TCF4: variants seen among roughly 807,000 people sequenced by gnomAD.
TCF4 encodes SL3-3 enhancer factor 2.
TCF4 carries 3 observed loss-of-function variants against 82.1 expected under a neutral mutation model. That is an observed-to-expected ratio of 0.04 (90% confidence interval 0.02 to 0.09). The LOEUF (loss-of-function observed/expected upper bound fraction) is 0.09, where lower values mean the gene tolerates loss of function less well. Ranked by LOEUF, TCF4 falls within the 10% of genes least tolerant of loss-of-function variation. The pLI is 1.00. For synonymous variants in TCF4, 276 were observed against 309.6 expected, an observed-to-expected ratio of 0.89 and a Z score of 1.14; for missense variants, 518 against 852.7, an observed-to-expected ratio of 0.61 and a Z score of 4.89.
chr18:55,506,735 C>G (rs1469448902), intron 3 of TCF4, among the ~76,000 whole-genome samples: 1 of 152,170 alleles, frequency 6.6e-6, no homozygotes, highest in African/African-American at 2.4e-5. Context: ...ATGATTTTTC[C>G]TATGCATATA....
At chr18:55,297,405 G>T (rs1019957397) in intron 8 of TCF4, among the ~76,000 whole-genome samples, 4 of 152,118 alleles carry the variant, frequency 2.6e-5, no homozygotes, top group Admixed American at 2.0e-4. Context: ...CTTCCTTGTG[G>T]ATACAAAAGT....
intron 2 of TCF4, among the ~76,000 whole-genome samples, chr18:55,604,205 C>T (rs2097700084): frequency 6.6e-6 from 1 of 151,910 alleles, no homozygotes; most frequent in African/African-American, 2.4e-5. Flanking sequence ...AGTTTTAACT[C>T]TGCCACTTCA....
Position 55,287,403 on chromosome 18 carries a change from A to G in TCF4, c.550-7747T>C, listed in dbSNP as rs138071417. Reference sequence around the variant, plus strand: ...ATTAAACCTGGGGCTAAATCCTGTAAATAATTTCAGCCAAGAGGCGTTTTC... The same window carrying G: ...ATTAAACCTGGGGCTAAATCCTGTAGATAATTTCAGCCAAGAGGCGTTTTC... On this transcript the variant is annotated intron_variant, in intron 8 of 19. Transcript: ENST00000354452. Among the ~76,000 whole-genome samples, 453 of 152,340 alleles carry G rather than the reference A, an allele frequency of 3.0e-3. 4 individuals are homozygous for G. The highest frequency in any genetic ancestry group is 9.1e-3 in the African/African-American group (379 of 41,576).
chr18:55,342,927 C>A (rs909861056), intron 8 of TCF4, among the ~76,000 whole-genome samples: 2 of 151,994 alleles, frequency 1.3e-5, no homozygotes, highest in Admixed American at 1.3e-4. Context: ...CTGTGCCAAT[C>A]GGTAGAATGA....
intron 6 of TCF4, among the ~76,000 whole-genome samples, chr18:55,371,236 G>T (rs2089058208): frequency 6.6e-6 from 1 of 152,166 alleles, no homozygotes; most frequent in African/African-American, 2.4e-5. Flanking sequence ...GTGATACTTG[G>T]TCTTGGTAGA....
chr18:55,512,482 TAC>T (rs2096838368), intron 3 of TCF4, among the ~76,000 whole-genome samples: 1 of 152,122 alleles, frequency 6.6e-6, no homozygotes, highest in African/African-American at 2.4e-5. Flanking sequence ...ACAATGAGGA[TAC>T]GTTACATTTT....
upstream of TCF4, chr18:55,589,208 CTTTTG>C (rs2097678383): frequency 1.0e-6 from 1 of 985,112 alleles, no homozygotes; most frequent in South Asian, 4.9e-5. Context: ...TAGGTTGTCC[CTTTTG>C]TTTTAATAAA....
At chr18:55,268,901 C>T (rs544978557) in intron 11 of TCF4, 20 of 152,332 alleles carry the variant, frequency 1.3e-4, no homozygotes, top group African/African-American at 4.6e-4. Context: ...GAGCTATAAC[C>T]GCAGAAAGTG....
At chr18:55,446,953 G>A (rs547445913) in intron 5 of TCF4, among the ~76,000 whole-genome samples, 2 of 145,484 alleles carry the variant, frequency 1.4e-5, no homozygotes, top group African/African-American at 5.1e-5. Context: ...GCCACTGCAT[G>A]CTAGCCTGGG....
At chr18:55,512,861 A>G (rs1481401185) in intron 3 of TCF4, among the ~76,000 whole-genome samples, 1 of 152,186 alleles carries the variant, frequency 6.6e-6, no homozygotes, top group Non-Finnish European at 1.5e-5. Context: ...TGAAAGAAAT[A>G]CTGGTACTTC....
chr18:55,613,304 A>G (rs955993265), intron 2 of TCF4, among the ~76,000 whole-genome samples: 1 of 151,982 alleles, frequency 6.6e-6, no homozygotes, highest in East Asian at 1.9e-4. Context: ...GGCAACCAAT[A>G]GTCTGCTTTC....
At position 55,633,161 on chromosome 18, in the gene TCF4, T is replaced by A. The variant is rs1010116441; in HGVS notation, c.196-1773A>T. Among the ~76,000 whole-genome samples, 2 of 152,242 alleles carry A rather than the reference T, an allele frequency of 1.3e-5. No homozygotes were observed. The highest frequency in any genetic ancestry group is 4.8e-5 in the African/African-American group (2 of 41,470). On this transcript the variant is annotated intron_variant, in intron 1 of 20. Coordinates refer to the TCF4 transcript ENST00000398339. The surrounding 1 kb of genome is among the most constrained non-coding windows in gnomAD (Gnocchi z 4.0). ...TTTGGAATGTGGCTTAGCCAGATAG[T>A]TCTGGCTTACGGTCTGTTCTGAGGT...
chr18:55,538,422 T>C (rs950603751), intron 3 of TCF4, among the ~76,000 whole-genome samples: 4 of 152,220 alleles, frequency 2.6e-5, no homozygotes, highest in African/African-American at 9.6e-5. Context: ...GATTAATATT[T>C]ATCCTTACTA....
intron 3 of TCF4, among the ~76,000 whole-genome samples, chr18:55,538,644 A>T (rs2146903436): frequency 6.6e-6 from 1 of 152,282 alleles, no homozygotes; most frequent in East Asian, 1.9e-4. Context: ...CTACTGACAT[A>T]TCAGTGCCTT....
At chr18:55,605,147 A>G (rs775207115) in intron 2 of TCF4, among the ~76,000 whole-genome samples, 22 of 152,106 alleles carry the variant, frequency 1.4e-4, no homozygotes, top group Non-Finnish European at 2.8e-4. Flanking sequence ...GCACCATAAC[A>G]TGGTCTGGAG....
chr18:55,471,035 C>T (rs761992067), intron 3 of TCF4, among the ~76,000 whole-genome samples: 12 of 152,176 alleles, frequency 7.9e-5, no homozygotes, highest in Non-Finnish European at 1.5e-4. Flanking sequence ...TGAGCCCTCA[C>T]ACAAACTGAG....
At chr18:55,455,484 T>C (rs1040500952) in intron 5 of TCF4, among the ~76,000 whole-genome samples, 5 of 149,810 alleles carry the variant, frequency 3.3e-5, no homozygotes, top group Non-Finnish European at 1.5e-5. Flanking sequence ...AGTCCAACAC[T>C]TAAGAGTTGA....
chr18:55,529,390 A>G (rs2097031534), intron 3 of TCF4, among the ~76,000 whole-genome samples: 2 of 152,272 alleles, frequency 1.3e-5, no homozygotes, highest in African/African-American at 4.8e-5. Context: ...TTTCATCCTT[A>G]AAAAATATAG....
chr18:55,405,894 T>C (rs1392122660), intron 5 of TCF4, among the ~76,000 whole-genome samples: 3 of 152,178 alleles, frequency 2.0e-5, no homozygotes, highest in African/African-American at 7.2e-5. Context: ...TAATTTTGCT[T>C]GTTAAAAAAT....
Sources: allele counts gnomAD v4.1 joint callset (sites outside exome capture counted in the v4.1 genomes callset), GRCh38; gene constraint gnomAD v4.1.1; non-coding constraint Gnocchi (gnomAD v3.1); transcripts MANE v1.5; gene names NCBI Gene and HGNC (gene_info 2026-07-23, HGNC 2026-07-21).